The following XRN1 variants were observed in gnomAD, a reference collection of about 807,000 sequenced individuals.
XRN1 encodes strand-exchange protein 1 homolog.
In XRN1, 67 loss-of-function variants were observed where a neutral mutation model predicts 222.3. The observed-to-expected ratio is 0.30, with a 90% CI of 0.25 to 0.37. The LOEUF is 0.37. Among genes scored for constraint, XRN1 ranks in the 10% least tolerant of loss-of-function variants. The pLI is 1.00. For missense variants in XRN1, 1,707 were observed against 2,000.2 expected, an observed-to-expected ratio of 0.85 and a Z score of 2.80; for synonymous variants, 643 against 652.4, an observed-to-expected ratio of 0.99 and a Z score of 0.22.
intron 2 of XRN1, among the ~76,000 whole-genome samples, chr3:142,432,458 CAT>C (rs2069671356): frequency 6.6e-6 from 1 of 151,256 alleles, no homozygotes; most frequent in Non-Finnish European, 1.5e-5. Flanking sequence ...GAACCTCCAA[CAT>C]ATGTTTTGAG....
intron 33 of XRN1, among the ~76,000 whole-genome samples, chr3:142,346,504 A>AG (rs1339446322): frequency 6.6e-6 from 1 of 150,820 alleles, no homozygotes; most frequent in African/African-American, 2.4e-5. Context: ...TTTTTTGAGA[A>AG]GGGGTCTCAC....
chr3:142,321,526 T>C (rs1264673053), intron 37 of XRN1, among the ~76,000 whole-genome samples: 1 of 152,208 alleles, frequency 6.6e-6, no homozygotes, highest in Non-Finnish European at 1.5e-5. Flanking sequence ...GGGATTTTGA[T>C]AGGAGGTGCA....
intron 22 of XRN1, among the ~76,000 whole-genome samples, chr3:142,382,886 T>TG (rs2067353175): frequency 6.6e-6 from 1 of 152,194 alleles, no homozygotes. Flanking sequence ...TATAGGTTCT[T>TG]TCTTGCTTTC....
chr3:142,400,412 G>A, intron 19 of XRN1, 32 bp downstream of exon 19: 1 of 1,507,950 alleles, frequency 6.6e-7, no homozygotes, highest in Non-Finnish European at 9.0e-7. Flanking sequence ...GCAAATATAT[G>A]TTAGAAAAAT....
At position 142,423,562 on chromosome 3, in the gene XRN1, T is replaced by G; in HGVS notation, c.708A>C (p.Gln236His). 2 of 1,599,992 alleles carry G rather than the reference T, an allele frequency of 1.3e-6. No individual in the cohort carries two copies. Among genetic ancestry groups the G allele is most frequent in the South Asian group, 2.3e-5 (2 of 87,520 alleles). ...EEVRFGGKKT[Q>H]RVCAPEETTF... ...AACATATATGCTATATAATTTACCG[T>G]TGTGTTTTTTTGCCACCAAATCGAA... The change falls in exon 6 of 41, where the codon CAA becomes CAC. Residue 236 changes from glutamine to histidine, a missense_variant and splice_region_variant. Physicochemically the swap from Gln to His is conservative, Grantham distance 24. Around this residue, in one of 2 missense-constraint regions of XRN1, gnomAD observed 1,234 missense variants for 1,518.2 expected, o/e 0.81. Coordinates refer to ENST00000392981, the MANE Select transcript of XRN1 (RefSeq NM_001282857.2).
intron 16 of XRN1, among the ~76,000 whole-genome samples, chr3:142,404,550 G>A (rs73238180): frequency 0.097 from 14,739 of 152,012 alleles, 706 homozygotes; most frequent in East Asian, 0.1. Flanking sequence ...ATATCACAGC[G>A]TATCAAATAA....
At chr3:142,429,169 A>G (rs2069403021) in intron 2 of XRN1, among the ~76,000 whole-genome samples, 1 of 127,254 alleles carries the variant, frequency 7.9e-6, no homozygotes, top group South Asian at 2.4e-4. Context: ...TTTTTTTGAG[A>G]CAGAGTTTCA....
intron 33 of XRN1, among the ~76,000 whole-genome samples, chr3:142,339,313 C>A (rs935488264): frequency 6.6e-6 from 1 of 152,096 alleles, no homozygotes; most frequent in Non-Finnish European, 1.5e-5. Flanking sequence ...TCTTTTGAAT[C>A]TTCTCCAAGA....
At chr3:142,441,621 T>C (rs1442347235) in intron 1 of XRN1, among the ~76,000 whole-genome samples, 1 of 152,204 alleles carries the variant, frequency 6.6e-6, no homozygotes, top group African/African-American at 2.4e-5. Flanking sequence ...GGAAGAGATC[T>C]TACTGTGTGG....
chr3:142,390,718 C>A (rs2067681800), intron 20 of XRN1, among the ~76,000 whole-genome samples: 2 of 152,122 alleles, frequency 1.3e-5, no homozygotes, highest in Admixed American at 1.3e-4. Flanking sequence ...AAGAATTTTT[C>A]TTTTGTATTC....
intron 37 of XRN1, among the ~76,000 whole-genome samples, chr3:142,323,014 G>C (rs1432441633): frequency 1.3e-5 from 2 of 152,022 alleles, no homozygotes; most frequent in African/African-American, 4.8e-5. Context: ...AAAATAAAGA[G>C]ATGAGGTCTT....
chr3:142,425,614 G>T, intron 3 of XRN1, 76 bp from the exon 4 acceptor site: 1 of 1,228,174 alleles, frequency 8.1e-7, no homozygotes, highest in African/African-American at 1.5e-5. Flanking sequence ...ACACATAACT[G>T]AATCTGAGTA....
At chr3:142,378,894 T>C (rs1577326273) in intron 23 of XRN1, among the ~76,000 whole-genome samples, 1 of 151,964 alleles carries the variant, frequency 6.6e-6, no homozygotes, top group African/African-American at 2.4e-5. Flanking sequence ...ATAGATCACA[T>C]ACAGAAATTC....
At position 142,426,857 on chromosome 3, in the gene XRN1, A is replaced by G. The variant is rs2069275486; in HGVS notation, c.309-16T>C. On this transcript the variant is annotated splice_polypyrimidine_tract_variant and intron_variant, in intron 2 of 40. Transcript: ENST00000392981. ...CTTTGCTGACCTTAAAGGTTAAGGGAAAAAAGTACCTTAAGTTTTCTGAAA... is the reference window on the plus strand; with the variant it reads ...CTTTGCTGACCTTAAAGGTTAAGGGGAAAAAGTACCTTAAGTTTTCTGAAA... 3 of 1,603,280 alleles carry G rather than the reference A, an allele frequency of 1.9e-6. No homozygotes were observed. Among genetic ancestry groups the G allele is most frequent in the East Asian group, 2.2e-5 (1 of 44,772 alleles).
intron 39 of XRN1, among the ~76,000 whole-genome samples, chr3:142,315,502 TTTTC>T (rs1362553738): frequency 6.1e-5 from 9 of 146,932 alleles, no homozygotes; most frequent in African/African-American, 7.6e-5. Flanking sequence ...CTAAAAAAGA[TTTTC>T]TTTTTCTTTT....
intron 2 of XRN1, 135 bp downstream of exon 2, chr3:142,432,526 G>T: frequency 1.2e-6 from 1 of 810,382 alleles, no homozygotes; most frequent in Non-Finnish European, 1.9e-6. Flanking sequence ...ATATGACACT[G>T]AGATATTTCC....
rs10680676 is a variant in XRN1 at position 142,447,010 on chromosome 3, T to TAAAAAA, written c.75+859_75+860insTTTTTT. ...TTTCTGTAAAGCATCAGAAAAGAGA[T>TAAAAAA]CAAATTCATTAAATGTGACAAACAC... On this transcript the variant is annotated intron_variant, in intron 1 of 40. Transcript: ENST00000392981. The surrounding 1 kb of genome is among the most constrained non-coding windows in gnomAD (Gnocchi z 4.2). 0.072 allele frequency among the ~76,000 whole-genome samples: 11,013 copies of TAAAAAA among 152,026 alleles called. 1,318 individuals carry two copies. The highest frequency in any genetic ancestry group is 0.25 in the African/African-American group (10,415 of 41,360).
At chr3:142,402,985 GCTTT>G (rs567278962) in intron 18 of XRN1, among the ~76,000 whole-genome samples, 65 of 152,082 alleles carry the variant, frequency 4.3e-4, no homozygotes, top group African/African-American at 1.4e-3. Context: ...AAGCTTTCCC[GCTTT>G]CTTTGATTTC....
intron 2 of XRN1, chr3:142,429,852 T>C (rs1427406344): frequency 1.3e-5 from 2 of 152,208 alleles, no homozygotes; most frequent in African/African-American, 4.8e-5. Flanking sequence ...AGCTCTAGTA[T>C]GTCTGTATAT....
Sources: allele counts gnomAD v4.1 joint callset (sites outside exome capture counted in the v4.1 genomes callset), GRCh38; gene constraint gnomAD v4.1.1; regional missense constraint gnomAD v4.1.1; non-coding constraint Gnocchi (gnomAD v3.1); transcripts MANE v1.5; gene names NCBI Gene and HGNC (gene_info 2026-07-23, HGNC 2026-07-21).